Variants in CNTNAP3 observed in about 807,000 individuals in gnomAD.
The protein encoded by CNTNAP3 is contactin-associated protein-like 3.
A neutral mutation model predicts 92.1 loss-of-function variants in CNTNAP3; 36 were observed. That is an observed-to-expected ratio of 0.39 (90% confidence interval 0.30 to 0.52). The LOEUF (loss-of-function observed/expected upper bound fraction) is 0.52, where lower values mean the gene tolerates loss of function less well. Among genes scored for constraint, CNTNAP3 ranks in the 20% least tolerant of loss-of-function variants. CNTNAP3 has a pLI of 0.76. For synonymous variants in CNTNAP3, 232 were observed against 422.3 expected (o/e 0.55, Z 5.53); for missense variants, 534 against 1,069.6 (o/e 0.50, Z 6.98).
chr9:39,133,053 C>A lies in CNTNAP3; in HGVS notation c.1959G>T (p.Ser653=), dbSNP rs1400487873. ...CCGCTGCGTACGCGAAGGACACAGC[C>A]GAGCGCGGGTGCCCGCTGGGGGCAC... ...LRGAPSGHPR[S]AVSFAYAAGA... The change falls in exon 13 of 24, where the codon TCG becomes TCT. Residue 653 remains serine (S), a synonymous_variant. Coordinates refer to ENST00000297668, the MANE Select transcript of CNTNAP3 (RefSeq NM_033655.5). The A allele has an allele frequency of 1.3e-6, 2 of 1,554,638 alleles. No homozygotes were observed. The highest frequency in any genetic ancestry group is 1.3e-5 in the African/African-American group (1 of 74,166).
chr9:39,088,258 G>A (rs1215871580), intron 19 of CNTNAP3, among the ~76,000 whole-genome samples, 165 bp downstream of exon 19: 7 of 141,592 alleles, frequency 4.9e-5, no homozygotes, highest in African/African-American at 1.8e-4. Context: ...TGAAATGCTA[G>A]CTTTTATACA....
chr9:39,092,789 C>T (rs1587703044), intron 18 of CNTNAP3, among the ~76,000 whole-genome samples: 1 of 136,396 alleles, frequency 7.3e-6, no homozygotes, highest in South Asian at 2.5e-4. Flanking sequence ...GAGTAATTAT[C>T]CTTTATTGTA....
Position 39,074,991 on chromosome 9 carries a change from A to C in CNTNAP3, c.3746-980T>G, listed in dbSNP as rs1391337558. Among the ~76,000 whole-genome samples the C allele has an allele frequency of 2.0e-5, 3 of 152,276 alleles. No individual in the cohort carries two copies. In the South Asian group the frequency reaches 6.3e-4, roughly 32 times the overall value. ...CACCGTGTTAGCTAGGATGGTCTCG[A>C]TCTCCTGACCTCATGATCCGTCCGC... On this transcript the variant is annotated intron_variant, in intron 23 of 23. Coordinates refer to ENST00000297668, the MANE Select transcript of CNTNAP3 (RefSeq NM_033655.5).
At chr9:39,253,014 T>TACACACACACACACAC (rs1178975952) in intron 2 of CNTNAP3, among the ~76,000 whole-genome samples, 1 of 3,614 alleles carries the variant, frequency 2.8e-4, no homozygotes, top group African/African-American at 3.0e-4. Flanking sequence ...CAACTGAATA[T>TACACACACACACACAC]ACACACACAC....
chr9:39,129,897 T>C lies in CNTNAP3; in HGVS notation c.2080+3035A>G, dbSNP rs1821235480. Among the ~76,000 whole-genome samples the C allele has an allele frequency of 2.0e-5, 3 of 152,240 alleles. No individual in the cohort carries two copies. In the South Asian group the frequency reaches 6.2e-4, roughly 31 times the overall value. On this transcript the variant is annotated intron_variant, in intron 13 of 23. Transcript: ENST00000297668. ...AGATGGCAAATAAGCATATAAAACA[T>C]GCTCAATATTATTAGACATCAGGGA...
chr9:39,115,753 A>G (rs12352235), intron 14 of CNTNAP3, among the ~76,000 whole-genome samples: 292 of 152,086 alleles, frequency 1.9e-3, no homozygotes, highest in Non-Finnish European at 3.4e-3. Context: ...ACGGTGCTGA[A>G]GTGACATGGC....
chr9:39,076,436 A>G (rs1340657955), intron 23 of CNTNAP3, among the ~76,000 whole-genome samples: 1 of 152,312 alleles, frequency 6.6e-6, no homozygotes, highest in East Asian at 1.9e-4. Context: ...CCACATTCCC[A>G]CTGGAAACTG....
chr9:39,109,478 A>G (rs1418083989), intron 14 of CNTNAP3, among the ~76,000 whole-genome samples, 191 bp from the exon 15 acceptor site: 5 of 152,140 alleles, frequency 3.3e-5, no homozygotes, highest in African/African-American at 9.7e-5. Context: ...TGTGTAAAGG[A>G]CCATACAGCA....
chr9:39,075,777 C>T (rs1825745872), intron 23 of CNTNAP3, among the ~76,000 whole-genome samples: 2 of 152,312 alleles, frequency 1.3e-5, no homozygotes, highest in Admixed American at 6.5e-5. Flanking sequence ...ATGAGCCAGA[C>T]TTCTAAGCCA....
chr9:39,114,081 C>A (rs1016457046), intron 14 of CNTNAP3, among the ~76,000 whole-genome samples: 14 of 130,304 alleles, frequency 1.1e-4, no homozygotes, highest in African/African-American at 4.0e-4. Context: ...CACACACATA[C>A]TTTTTTTTTT....
At position 39,072,416 on chromosome 9, in the gene CNTNAP3, C is replaced by G. The variant is rs1199685491; in HGVS notation, c.*1474G>C. Among the ~76,000 whole-genome samples the G allele has an allele frequency of 6.8e-6, 1 of 146,394 alleles. No homozygotes were observed. The highest frequency in any genetic ancestry group is 1.5e-5 in the Non-Finnish European group (1 of 67,182). ...TTTTATGTAATTGGTTTATTGAATC[C>G]AAATGGTGGTTCCATGCATTATCAA... On this transcript the variant is annotated 3_prime_UTR_variant, in exon 24 of 24. Coordinates refer to ENST00000297668, the MANE Select transcript of CNTNAP3 (RefSeq NM_033655.5).
In CNTNAP3 at chr9:39,069,023, T is replaced by C. The variant is rs1252296342; in HGVS notation, c.*4867A>G. On this transcript the variant is annotated 3_prime_UTR_variant, in exon 24 of 24. Transcript: ENST00000297668. ...ATGTAAGTATAAACACACATACACATATATATATGTATGTATATAACACAC... is the reference window on the plus strand; with the variant it reads ...ATGTAAGTATAAACACACATACACACATATATATGTATGTATATAACACAC... Among the ~76,000 whole-genome samples, 1 of 145,326 alleles carries C rather than the reference T, an allele frequency of 6.9e-6. No homozygotes were observed.
chr9:39,137,855 A>C (rs530111940), intron 12 of CNTNAP3, among the ~76,000 whole-genome samples: 2 of 151,272 alleles, frequency 1.3e-5, no homozygotes, highest in Non-Finnish European at 2.9e-5. Flanking sequence ...TTTGCCTTGA[A>C]ATTTTTTCTT....
At chr9:39,082,378 G>A (rs1391690075) in intron 21 of CNTNAP3, among the ~76,000 whole-genome samples, 27 of 151,670 alleles carry the variant, frequency 1.8e-4, no homozygotes, top group Non-Finnish European at 1.3e-4. Context: ...ATTTTCTATC[G>A]AAGAGAATCT....
In CNTNAP3 at chr9:39,071,632, G is replaced by T. The variant is rs1825636491; in HGVS notation, c.*2258C>A. On this transcript the variant is annotated 3_prime_UTR_variant, in exon 24 of 24. Transcript: ENST00000297668. ...CATCTATGTATCTAAATAACGTTTA[G>T]TGACTTAATTCTCTGCAACAGTAAA... Among the ~76,000 whole-genome samples, 1 of 151,948 alleles carries T rather than the reference G, an allele frequency of 6.6e-6. No homozygotes were observed. Among genetic ancestry groups the T allele is most frequent in the African/African-American group, 2.4e-5 (1 of 41,354 alleles).
intron 10 of CNTNAP3, among the ~76,000 whole-genome samples, chr9:39,146,635 G>C (rs1339223571): frequency 6.6e-6 from 1 of 152,140 alleles, no homozygotes; most frequent in African/African-American, 2.4e-5. Flanking sequence ...CTTGCAGTGA[G>C]CCGAGATCGT....
At chr9:39,142,553 T>C (rs2118100847) in intron 11 of CNTNAP3, among the ~76,000 whole-genome samples, 1 of 151,820 alleles carries the variant, frequency 6.6e-6, no homozygotes, top group African/African-American at 2.4e-5. Context: ...GCTCCTGTAG[T>C]CCCAGCTACT....
intron 13 of CNTNAP3, 69 bp downstream of exon 13, chr9:39,132,863 C>A (rs551040562): frequency 1.4e-6 from 2 of 1,472,210 alleles, no homozygotes; most frequent in South Asian, 2.6e-5. Flanking sequence ...CTCCCTCAAA[C>A]GCATCTCGCA....
intron 19 of CNTNAP3, among the ~76,000 whole-genome samples, chr9:39,087,480 G>A (rs1826086576): frequency 7.1e-6 from 1 of 141,226 alleles, no homozygotes; most frequent in Admixed American, 6.8e-5. Flanking sequence ...GTTAATCGGA[G>A]ATTTTTTTTT....
Sources: gnomAD v4.1 joint callset for allele counts (sites outside exome capture counted in the v4.1 genomes callset) on GRCh38, gnomAD v4.1.1 for gene constraint, MANE v1.5 for transcripts, NCBI Gene and HGNC (gene_info 2026-07-23, HGNC 2026-07-21) for gene names.